The following DHX15 variants were observed in gnomAD, a reference collection of about 807,000 sequenced individuals.
DHX15 encodes DEAH-box helicase 15.
Under a neutral mutation model 94.4 loss-of-function variants are expected in DHX15, and 11 were observed. The observed-to-expected ratio is 0.12, with a 90% CI of 0.07 to 0.19. The LOEUF (loss-of-function observed/expected upper bound fraction) is 0.19, where lower values mean the gene tolerates loss of function less well. Ranked by LOEUF, DHX15 falls within the 10% of genes least tolerant of loss-of-function variation. The pLI, the probability that DHX15 is intolerant of heterozygous loss-of-function variation, is 1.00. For missense variants in DHX15, 304 were observed against 988.5 expected (o/e 0.31, Z 9.29); for synonymous variants, 338 against 329.9 (o/e 1.02, Z -0.27).
At chr4:24,574,448 T>TAA (rs1485084425) in intron 2 of DHX15, among the ~76,000 whole-genome samples, 1 of 152,018 alleles carries the variant, frequency 6.6e-6, no homozygotes, top group Non-Finnish European at 1.5e-5. Context: ...CTCTAAAAGT[T>TAA]AAATATTAAT....
chr4:24,565,369 C>CA (rs1250077705), intron 3 of DHX15, among the ~76,000 whole-genome samples: 1 of 152,228 alleles, frequency 6.6e-6, no homozygotes, highest in African/African-American at 2.4e-5. Context: ...GAAACTGCCT[C>CA]AGTGTTAAAT....
At chr4:24,542,190 C>A (rs1211952759) in intron 7 of DHX15, among the ~76,000 whole-genome samples, 168 bp from the exon 8 acceptor site, 1 of 152,128 alleles carries the variant, frequency 6.6e-6, no homozygotes, top group Non-Finnish European at 1.5e-5. Context: ...CCTTAAAGTT[C>A]TTTCAGACAT....
intron 6 of DHX15, among the ~76,000 whole-genome samples, chr4:24,543,966 G>T (rs886474043): frequency 6.6e-6 from 1 of 152,042 alleles, no homozygotes; most frequent in African/African-American, 2.4e-5. Context: ...AAGTGTGAGT[G>T]GCACCAAAGA....
intron 5 of DHX15, among the ~76,000 whole-genome samples, chr4:24,552,933 C>T (rs183784496): frequency 2.0e-5 from 3 of 152,214 alleles, no homozygotes; most frequent in African/African-American, 4.8e-5. Flanking sequence ...AAAAACCTTT[C>T]GGGTCCTTAA....
intron 5 of DHX15, among the ~76,000 whole-genome samples, chr4:24,550,588 A>G (rs939659880): frequency 6.6e-6 from 1 of 152,184 alleles, no homozygotes; most frequent in African/African-American, 2.4e-5. Context: ...AGGATCATCA[A>G]TATCACTATC....
chr4:24,552,806 G>C (rs769764232), intron 5 of DHX15, among the ~76,000 whole-genome samples: 3 of 152,136 alleles, frequency 2.0e-5, no homozygotes, highest in Non-Finnish European at 2.9e-5. Flanking sequence ...GACAACTAGA[G>C]CAGCATTTTA....
chr4:24,552,109 C>T (rs1721621468), intron 5 of DHX15, among the ~76,000 whole-genome samples: 1 of 152,148 alleles, frequency 6.6e-6, no homozygotes, highest in African/African-American at 2.4e-5. Flanking sequence ...AAGAAGTCAA[C>T]ACTATCAGCT....
chr4:24,547,923 ATATATATATATATATATAT>A lies in DHX15; in HGVS notation c.1248+913_1248+931del, dbSNP rs1560765827. Reference sequence around the variant, plus strand: ...TATGTGTATATATATATATATATATATATATATATATATATATATCTATATCTATATCTATATCTATCTG... The same window carrying A: ...TATGTGTATATATATATATATATATACTATATCTATATCTATATCTATCTG... On this transcript the variant is annotated intron_variant, in intron 6 of 13. Transcript: ENST00000336812. Among the ~76,000 whole-genome samples the A allele has an allele frequency of 5.6e-4, 47 of 84,614 alleles. 1 individual carries two copies. Among genetic ancestry groups the A allele is most frequent in the African/African-American group, 2.4e-3 (43 of 17,958 alleles). The allele number at this position is 84,614 out of a possible 152,430, so 55.5% of individuals were successfully genotyped here.
intron 5 of DHX15, among the ~76,000 whole-genome samples, chr4:24,551,471 G>GT (rs1288049917): frequency 2.6e-5 from 4 of 151,510 alleles, no homozygotes; most frequent in South Asian, 2.1e-4. Flanking sequence ...AAACACATCA[G>GT]TTTTTTTTAA....
chr4:24,568,883 C>T (rs1395275757), intron 3 of DHX15, among the ~76,000 whole-genome samples: 1 of 152,160 alleles, frequency 6.6e-6, no homozygotes, highest in Non-Finnish European at 1.5e-5. Context: ...AATAACGTAT[C>T]ACTGAACAAC....
chr4:24,541,393 C>T lies in DHX15; in HGVS notation c.1486-445G>A, dbSNP rs115119654. On this transcript the variant is annotated intron_variant, in intron 8 of 13. Coordinates refer to ENST00000336812, the MANE Select transcript of DHX15 (RefSeq NM_001358.3). ...CTTTTGCAGTATCACAGTGCTTGTG[C>T]TCAAGTAACCTTTTACTTAATAATG... Among the ~76,000 whole-genome samples, 1,144 of 152,198 alleles carry T rather than the reference C, an allele frequency of 7.5e-3. 16 individuals are homozygous for T. The highest frequency in any genetic ancestry group is 0.025 in the African/African-American group (1,056 of 41,524).
At chr4:24,540,548 T>C (rs1335640028) in intron 9 of DHX15, among the ~76,000 whole-genome samples, 2 of 152,056 alleles carry the variant, frequency 1.3e-5, no homozygotes, top group Non-Finnish European at 1.5e-5. Context: ...AATGTGTTTA[T>C]CAAACTGTTT....
In DHX15 at chr4:24,537,306, T is replaced by C; in HGVS notation, c.1787-133A>G. The C allele has an allele frequency of 2.6e-6, 3 of 1,173,258 alleles. No individual in the cohort carries two copies. Among genetic ancestry groups the C allele is most frequent in the Non-Finnish European group, 2.4e-6 (2 of 849,352 alleles). The allele number at this position is 1,173,258 out of a possible 1,614,324, so 72.7% of individuals were successfully genotyped here. Reference sequence around the variant, plus strand: ...GGGCAGGATGGCCTCCAACTGCATCTTGGATTGTTTACTACCTTGATTTGG... The same window carrying C: ...GGGCAGGATGGCCTCCAACTGCATCCTGGATTGTTTACTACCTTGATTTGG... On this transcript the variant is annotated intron_variant, in intron 10 of 13. Coordinates refer to ENST00000336812, the MANE Select transcript of DHX15 (RefSeq NM_001358.3). The surrounding 1 kb of genome is among the most constrained non-coding windows in gnomAD (Gnocchi z 4.7).
At chr4:24,579,201 C>A (rs1413977054) in intron 1 of DHX15, among the ~76,000 whole-genome samples, 1 of 152,140 alleles carries the variant, frequency 6.6e-6, no homozygotes, top group Non-Finnish European at 1.5e-5. Flanking sequence ...AAATGAAGAG[C>A]ATTTTCAGAT....
intron 9 of DHX15, among the ~76,000 whole-genome samples, 173 bp from the exon 10 acceptor site, chr4:24,540,472 T>G (rs898436699): frequency 1.1e-4 from 16 of 152,104 alleles, no homozygotes; most frequent in African/African-American, 3.4e-4. Context: ...CATAAAAACA[T>G]TGCAAAATTT....
intron 1 of DHX15, among the ~76,000 whole-genome samples, chr4:24,583,474 A>G (rs569377135): frequency 1.3e-4 from 11 of 86,216 alleles, no homozygotes; most frequent in Middle Eastern, 5.7e-3. Flanking sequence ...ATAAATGATG[A>G]AAAAAAAAAA....
chr4:24,571,357 C>T (rs1372681569), intron 2 of DHX15, among the ~76,000 whole-genome samples: 2 of 152,156 alleles, frequency 1.3e-5, no homozygotes, highest in Non-Finnish European at 2.9e-5. Context: ...CCCTCAGGAG[C>T]AGTATGCACA....
intron 2 of DHX15, among the ~76,000 whole-genome samples, chr4:24,571,599 G>A (rs1459300558): frequency 6.6e-6 from 1 of 152,124 alleles, no homozygotes; most frequent in African/African-American, 2.4e-5. Flanking sequence ...AACTGGAAAA[G>A]AACCATGGGA....
intron 6 of DHX15, among the ~76,000 whole-genome samples, chr4:24,544,953 T>A (rs1008683369): frequency 6.6e-6 from 1 of 151,758 alleles, no homozygotes; most frequent in African/African-American, 2.4e-5. Context: ...TACAAAAAAA[T>A]AAAAGAAATT....
Sources: allele counts gnomAD v4.1 joint callset (sites outside exome capture counted in the v4.1 genomes callset), GRCh38; gene constraint gnomAD v4.1.1; non-coding constraint Gnocchi (gnomAD v3.1); transcripts MANE v1.5; gene names NCBI Gene and HGNC (gene_info 2026-07-23, HGNC 2026-07-21).